Variants in EYS observed in about 807,000 individuals in gnomAD.
EYS encodes the protein protein eyes shut homolog.
EYS carries 250 observed loss-of-function variants against 282.1 expected under a neutral mutation model. The ratio of observed to expected loss-of-function variants is 0.89; its 90% CI spans 0.80 to 0.98. EYS has a LOEUF of 0.98. Among genes scored for constraint, EYS ranks in the 50% least tolerant of loss-of-function variants. The probability of loss-of-function intolerance (pLI) is 0.00; values close to 1 mark genes in which losing one functional copy is unlikely to be tolerated. For synonymous variants in EYS, 1,355 were observed against 1,282.9 expected (o/e 1.06, Z -1.20); for missense variants, 4,016 against 3,709.0 (o/e 1.08, Z -2.15).
At chr6:64,660,663 A>T (rs533843323) in intron 22 of EYS, among the ~76,000 whole-genome samples, 1 of 152,216 alleles carries the variant, frequency 6.6e-6, no homozygotes, top group African/African-American at 2.4e-5. Flanking sequence ...TAAAATACCT[A>T]GGAATCCAAT....
chr6:65,331,318 T>C, intron 11 of EYS: 1 of 691,530 alleles, frequency 1.4e-6, no homozygotes, highest in Non-Finnish European at 1.8e-6. Flanking sequence ...TAATTTTCTC[T>C]TTTTCATTGA....
At chr6:64,801,902 T>A (rs1253521711) in intron 22 of EYS, among the ~76,000 whole-genome samples, 1 of 151,988 alleles carries the variant, frequency 6.6e-6, no homozygotes, top group Non-Finnish European at 1.5e-5. Flanking sequence ...TCTTTGCCAA[T>A]CTATCTTTGC....
intron 22 of EYS, among the ~76,000 whole-genome samples, chr6:64,795,388 C>T (rs1181657572): frequency 6.6e-6 from 1 of 151,904 alleles, no homozygotes; most frequent in African/African-American, 2.4e-5. Context: ...GTAGATATCC[C>T]GAGTATGAGA....
chr6:64,296,541 AATATATATATAT>A (rs1211614579), intron 30 of EYS, among the ~76,000 whole-genome samples: 75 of 15,694 alleles, frequency 4.8e-3, no homozygotes, highest in African/African-American at 0.012. Flanking sequence ...GTACTGGCAG[AATATATATATAT>A]ATATATATAT....
intron 5 of EYS, among the ~76,000 whole-genome samples, chr6:65,466,167 A>G (rs1470038242): frequency 2.0e-5 from 3 of 152,154 alleles, no homozygotes; most frequent in Non-Finnish European, 4.4e-5. Flanking sequence ...TATAATGTAT[A>G]TATGATTTCA....
At chr6:63,971,413 C>T (rs1766563791) in intron 35 of EYS, among the ~76,000 whole-genome samples, 1 of 152,114 alleles carries the variant, frequency 6.6e-6, no homozygotes, top group South Asian at 2.1e-4. Context: ...CAGCATGCAT[C>T]CTCTTAATAC....
chr6:64,965,879 T>C (rs1770078668), intron 14 of EYS, among the ~76,000 whole-genome samples: 1 of 152,162 alleles, frequency 6.6e-6, no homozygotes, highest in South Asian at 2.1e-4. Flanking sequence ...AATTTGTTAC[T>C]GAAAGTTCTG....
chr6:65,213,898 C>A (rs1422948411), intron 12 of EYS, among the ~76,000 whole-genome samples: 1 of 151,910 alleles, frequency 6.6e-6, no homozygotes, highest in Non-Finnish European at 1.5e-5. Flanking sequence ...TGGTGGCTCA[C>A]GCCTGTAACC....
rs1771672547 is a variant in EYS, at chr6:63,832,518, A to T, written c.7229-26146T>A. Among the ~76,000 whole-genome samples the T allele has an allele frequency of 2.0e-5, 3 of 152,230 alleles. No homozygotes were observed. In the South Asian group the frequency reaches 6.2e-4, roughly 31 times the overall value. On this transcript the variant is annotated intron_variant, in intron 36 of 42. Transcript: ENST00000503581. ...ATACCCTCCCAACACTAAACCAGGA[A>T]GACGTTGAATCCCTGAATAGACCAA...
chr6:63,797,233 GA>G (rs1390864500), intron 37 of EYS: 1 of 152,178 alleles, frequency 6.6e-6, no homozygotes, highest in African/African-American at 2.4e-5. Context: ...GGAAGAAAGT[GA>G]AATTAGATAT....
At chr6:63,839,563 G>T (rs1050694514) in intron 36 of EYS, among the ~76,000 whole-genome samples, 1 of 152,114 alleles carries the variant, frequency 6.6e-6, no homozygotes, top group Non-Finnish European at 1.5e-5. Context: ...GGCCCAGAGT[G>T]GTTTTGAACT....
At chr6:64,147,386 G>C (rs1278899539) in intron 31 of EYS, among the ~76,000 whole-genome samples, 2 of 152,148 alleles carry the variant, frequency 1.3e-5, no homozygotes, top group Non-Finnish European at 2.9e-5. Context: ...ATAACTTAAA[G>C]GTAGGAGGAA....
chr6:65,177,386 T>G (rs1765251859), intron 12 of EYS, among the ~76,000 whole-genome samples: 1 of 151,888 alleles, frequency 6.6e-6, no homozygotes, highest in Admixed American at 6.6e-5. Flanking sequence ...TATGTTAATA[T>G]CTTTCTAATG....
chr6:64,629,335 A>G (rs9360006), intron 22 of EYS, among the ~76,000 whole-genome samples: 91,447 of 151,984 alleles, frequency 0.6, 27,686 homozygotes, highest in South Asian at 0.68. Context: ...AAGAGATGAG[A>G]AGTCATGCAC....
At chr6:63,840,514 T>C (rs1196059626) in intron 36 of EYS, among the ~76,000 whole-genome samples, 4 of 152,136 alleles carry the variant, frequency 2.6e-5, no homozygotes, top group Non-Finnish European at 4.4e-5. Context: ...TTTTTTTTCC[T>C]TTGCGGTGCA....
intron 12 of EYS, among the ~76,000 whole-genome samples, chr6:65,248,684 C>T (rs1767242928): frequency 6.6e-6 from 1 of 151,862 alleles, no homozygotes; most frequent in African/African-American, 2.4e-5. Context: ...ATAATATCTC[C>T]TAGCTGTCTA....
intron 31 of EYS, among the ~76,000 whole-genome samples, chr6:64,166,966 TATAAA>T (rs1429980197): frequency 6.6e-6 from 1 of 152,232 alleles, no homozygotes; most frequent in African/African-American, 2.4e-5. Flanking sequence ...AATCACAGTT[TATAAA>T]ATAACAGCTT....
intron 32 of EYS, among the ~76,000 whole-genome samples, chr6:64,076,448 C>A (rs1366332852): frequency 6.6e-6 from 1 of 151,888 alleles, no homozygotes; most frequent in African/African-American, 2.4e-5. Flanking sequence ...TGTCCCTACC[C>A]AAATTTGATC....
intron 28 of EYS, among the ~76,000 whole-genome samples, chr6:64,429,828 T>C (rs552432260): frequency 3.2e-4 from 49 of 152,322 alleles, no homozygotes; most frequent in Middle Eastern, 6.8e-3. Flanking sequence ...GAACAATTCC[T>C]TGGATGAATA....
Sources: gnomAD v4.1 joint callset for allele counts (sites outside exome capture counted in the v4.1 genomes callset) on GRCh38, gnomAD v4.1.1 for gene constraint, MANE v1.5 for transcripts, NCBI Gene and HGNC (gene_info 2026-07-23, HGNC 2026-07-21) for gene names.